The following FBLN5 variants were observed in gnomAD, a reference collection of about 807,000 sequenced individuals.
The protein encoded by FBLN5 is fibulin-5.
A neutral mutation model predicts 61.6 loss-of-function variants in FBLN5; 24 were observed. The observed-to-expected ratio is 0.39, with a 90% CI of 0.28 to 0.55. The LOEUF is 0.55. FBLN5 is among the 20% of genes least tolerant of loss of function. The probability of loss-of-function intolerance (pLI) is 0.65; values close to 1 mark genes in which losing one functional copy is unlikely to be tolerated. For synonymous variants in FBLN5, 213 were observed against 219.8 expected, an observed-to-expected ratio of 0.97 and a Z score of 0.27; for missense variants, 470 against 594.1, an observed-to-expected ratio of 0.79 and a Z score of 2.17.
rs2139968591 is a variant in FBLN5, at chr14:91,887,178, G to A, written c.739+15C>T. On this transcript the variant is annotated intron_variant, in intron 7 of 10. Coordinates refer to ENST00000342058, the MANE Select transcript of FBLN5 (RefSeq NM_006329.4). ...CCAAGTACAGGTGGAAGTTTCCAAT[G>A]CGAAAGCCCATTACCACTGCAATGA... 1.2e-6 allele frequency: 2 copies of A among 1,613,750 alleles called. No individual in the cohort carries two copies. The highest frequency in any genetic ancestry group is 8.5e-7 in the Non-Finnish European group (1 of 1,179,780).
intron 4 of FBLN5, among the ~76,000 whole-genome samples, 154 bp from the exon 5 acceptor site, chr14:91,895,226 T>C (rs1566808504): frequency 1.3e-5 from 2 of 152,138 alleles, no homozygotes; most frequent in Non-Finnish European, 2.9e-5. Context: ...GATGGGCACC[T>C]CTAGGAGACA....
In FBLN5 at chr14:91,870,103, G is replaced by C; in HGVS notation, c.*121C>G. On this transcript the variant is annotated 3_prime_UTR_variant, in exon 11 of 11. Transcript: ENST00000342058. The stretch of plus-strand genomic sequence containing the variant: ...GTCAGGAAGTCGGGGCTGACTCTTC[G>C]GGGAAACGTTCAGCAGGAAATGCCT... 1 of 1,071,908 alleles carries C rather than the reference G, an allele frequency of 9.3e-7. No homozygotes were observed. The highest frequency in any genetic ancestry group is 1.4e-6 in the Non-Finnish European group (1 of 711,164). 66.4% of individuals were successfully genotyped at this position (1,071,908 alleles called of 1,614,324 possible). A position where few individuals can be genotyped will look rare whatever the true frequency, so the allele number is the denominator to read the frequency against.
rs764400936 is a variant in FBLN5, at chr14:91,877,467, C to T, written c.1185+20G>A. The T allele has an allele frequency of 1.9e-6, 3 of 1,599,412 alleles. No homozygotes were observed. The African/African-American group carries it at 4.0e-5, about 21-fold the overall frequency. ...AGGCCACTGTTACAGATGGCGTCCCCACTCCCCACTCCCTCTTACCCGCAT... is the reference window on the plus strand; with the variant it reads ...AGGCCACTGTTACAGATGGCGTCCCTACTCCCCACTCCCTCTTACCCGCAT... On this transcript the variant is annotated intron_variant, in intron 10 of 10. Coordinates refer to ENST00000342058, the MANE Select transcript of FBLN5 (RefSeq NM_006329.4).
At chr14:91,873,483 C>T (rs2053245101) in intron 10 of FBLN5, 1 of 152,400 alleles carries the variant, frequency 6.6e-6, no homozygotes, top group Admixed American at 6.5e-5. Context: ...CTCTGTACCT[C>T]TCCATTTACT....
intron 4 of FBLN5, among the ~76,000 whole-genome samples, chr14:91,926,039 C>CCATT (rs1343244211): frequency 5.3e-5 from 8 of 152,286 alleles, no homozygotes; most frequent in Admixed American, 4.6e-4. Flanking sequence ...CTTCCTTCCG[C>CCATT]CATTCATTCA....
chr14:91,935,734 C>G (rs536651844), intron 4 of FBLN5, among the ~76,000 whole-genome samples: 1 of 152,314 alleles, frequency 6.6e-6, no homozygotes, highest in African/African-American at 2.4e-5. Context: ...TTACAAAGGT[C>G]TTTCCTCCTG....
rs140647436 is a variant in FBLN5 at position 91,887,724 on chromosome 14, A to G, written c.620-412T>C. The stretch of plus-strand genomic sequence containing the variant: ...CTGACTTGGAAGTTTCAGGTTAACA[A>G]ATAACCATGATGATTCTAATAATAT... On this transcript the variant is annotated intron_variant, in intron 6 of 10. Transcript: ENST00000342058. 2.0e-5 allele frequency among the ~76,000 whole-genome samples: 3 copies of G among 152,258 alleles called. No homozygotes were observed. In the East Asian group the frequency reaches 5.8e-4, roughly 29 times the overall value.
At chr14:91,874,421 A>G (rs1889076784) in intron 10 of FBLN5, 1 of 152,274 alleles carries the variant, frequency 6.6e-6, no homozygotes, top group East Asian at 1.9e-4. Context: ...ATTTCATCTG[A>G]GACCCCAAAG....
At chr14:91,884,534 G>T (rs994560248) in intron 7 of FBLN5, among the ~76,000 whole-genome samples, 3 of 152,194 alleles carry the variant, frequency 2.0e-5, no homozygotes, top group Admixed American at 6.5e-5. Context: ...TGAAGGAGGT[G>T]CTATCACTCT....
intron 4 of FBLN5, among the ~76,000 whole-genome samples, chr14:91,919,041 A>T (rs2055677336): frequency 6.6e-6 from 1 of 152,166 alleles, no homozygotes; most frequent in African/African-American, 2.4e-5. Context: ...ATAAGAAAAA[A>T]GAATGGCAGC....
chr14:91,909,364 AATAC>A (rs1414621946), intron 4 of FBLN5, among the ~76,000 whole-genome samples: 2 of 152,180 alleles, frequency 1.3e-5, no homozygotes, highest in African/African-American at 4.8e-5. Context: ...CACAGTGCCT[AATAC>A]AGAATATTAA....
intron 3 of FBLN5, among the ~76,000 whole-genome samples, chr14:91,939,589 G>A (rs186192072): frequency 2.0e-5 from 3 of 152,168 alleles, no homozygotes; most frequent in Admixed American, 6.5e-5. Context: ...TGATGCACTC[G>A]CCTCGGCCTC....
chr14:91,889,817 T>A (rs558437264), intron 6 of FBLN5, among the ~76,000 whole-genome samples: 3 of 152,210 alleles, frequency 2.0e-5, no homozygotes, highest in Non-Finnish European at 4.4e-5. Flanking sequence ...TATTATGCTG[T>A]GGACTTGGCA....
intron 10 of FBLN5, among the ~76,000 whole-genome samples, chr14:91,876,667 G>A (rs993879582): frequency 2.0e-5 from 3 of 152,060 alleles, no homozygotes; most frequent in African/African-American, 7.3e-5. Flanking sequence ...AAGTGCTGGC[G>A]GCCCCCGGAA....
chr14:91,893,017 G>T (rs569933229), intron 5 of FBLN5, among the ~76,000 whole-genome samples: 1 of 78,502 alleles, frequency 1.3e-5, no homozygotes, highest in Non-Finnish European at 3.5e-5. Context: ...GAATGTCCGA[G>T]TTGCTGGCAC....
intron 10 of FBLN5, among the ~76,000 whole-genome samples, chr14:91,875,621 A>G (rs1467587539): frequency 6.6e-6 from 1 of 152,198 alleles, no homozygotes; most frequent in African/African-American, 2.4e-5. Context: ...TACAATGGCT[A>G]CAATCGGGGA....
chr14:91,879,060 GC>G (rs1456825436), intron 9 of FBLN5, among the ~76,000 whole-genome samples: 1 of 152,206 alleles, frequency 6.6e-6, no homozygotes, highest in African/African-American at 2.4e-5. Flanking sequence ...AGCCTGGGTG[GC>G]AGAGCAAGTT....
intron 4 of FBLN5, among the ~76,000 whole-genome samples, chr14:91,923,173 C>G (rs1404450894): frequency 1.3e-5 from 2 of 152,158 alleles, no homozygotes. Flanking sequence ...TGAACTGAAG[C>G]CCCAGAAAGA....
intron 10 of FBLN5, chr14:91,873,504 T>G (rs1390288896): frequency 6.6e-6 from 1 of 152,574 alleles, no homozygotes; most frequent in Non-Finnish European, 1.5e-5. Flanking sequence ...CACCATCCCA[T>G]GGGTCTTGAC....
Sources: gnomAD v4.1 joint callset for allele counts (sites outside exome capture counted in the v4.1 genomes callset) on GRCh38, gnomAD v4.1.1 for gene constraint, MANE v1.5 for transcripts, NCBI Gene and HGNC (gene_info 2026-07-23, HGNC 2026-07-21) for gene names.